Variants in DENND1A observed in about 807,000 individuals in gnomAD.
The protein encoded by DENND1A is DENN domain-containing protein 1A.
Under a neutral mutation model 113.7 loss-of-function variants are expected in DENND1A, and 51 were observed. The ratio of observed to expected loss-of-function variants is 0.45; its 90% confidence interval spans 0.36 to 0.57. The LOEUF (loss-of-function observed/expected upper bound fraction) is 0.57. DENND1A is among the 20% of genes least tolerant of loss of function. DENND1A has a pLI of 0.00. For missense variants in DENND1A, 1,258 were observed against 1,395.9 expected, an observed-to-expected ratio of 0.90 and a Z score of 1.57; for synonymous variants, 565 against 570.8, an observed-to-expected ratio of 0.99 and a Z score of 0.14.
chr9:123,839,341 C>A (rs1339172555), intron 2 of DENND1A, among the ~76,000 whole-genome samples: 5 of 152,212 alleles, frequency 3.3e-5, no homozygotes, highest in African/African-American at 7.2e-5. Context: ...TCTATCCCTG[C>A]CCTTCCTGAG....
intron 19 of DENND1A, among the ~76,000 whole-genome samples, chr9:123,435,003 AGG>A (rs1211957471): frequency 4.6e-5 from 7 of 152,094 alleles, no homozygotes; most frequent in African/African-American, 1.7e-4. Flanking sequence ...GTGGAAGGAG[AGG>A]ATCTGGGGAG....
intron 5 of DENND1A, among the ~76,000 whole-genome samples, chr9:123,691,905 A>G (rs1359252884): frequency 6.6e-6 from 1 of 152,194 alleles, no homozygotes; most frequent in East Asian, 1.9e-4. Flanking sequence ...CTCTGGGAGA[A>G]GAGAGCTAAC....
chr9:123,833,663 T>C (rs1265739757), intron 2 of DENND1A, among the ~76,000 whole-genome samples: 1 of 152,246 alleles, frequency 6.6e-6, no homozygotes, highest in Non-Finnish European at 1.5e-5. Context: ...AAATAGCCTA[T>C]ATATTTTTCT....
intron 2 of DENND1A, among the ~76,000 whole-genome samples, chr9:123,858,002 T>C (rs922200606): frequency 7.0e-6 from 1 of 143,192 alleles, no homozygotes; most frequent in Admixed American, 7.5e-5. Context: ...GAGCTTGCAG[T>C]GAGCAGAGAT....
At chr9:123,395,493 T>TGTGTGTGTGTGTGTGTGTGTGTGA (rs2043075187) in intron 21 of DENND1A, among the ~76,000 whole-genome samples, 1 of 146,094 alleles carries the variant, frequency 6.8e-6, no homozygotes, top group African/African-American at 2.5e-5. Flanking sequence ...TGTGTGTGTG[T>TGTGTGTGTGTGTGTGTGTGTGTGA]GACAGAGAGA....
intron 10 of DENND1A, among the ~76,000 whole-genome samples, chr9:123,614,405 G>A (rs551569340): frequency 6.6e-6 from 1 of 152,204 alleles, no homozygotes; most frequent in African/African-American, 2.4e-5. Flanking sequence ...CAGCAAGGAA[G>A]AAGCAAGAAT....
intron 11 of DENND1A, among the ~76,000 whole-genome samples, chr9:123,607,760 C>G (rs1481094075): frequency 2.0e-5 from 3 of 150,820 alleles, no homozygotes; most frequent in Non-Finnish European, 4.4e-5. Flanking sequence ...AACAAGGTGA[C>G]TAGAGGGCAC....
intron 2 of DENND1A, among the ~76,000 whole-genome samples, chr9:123,821,435 G>A (rs1838446470): frequency 6.6e-6 from 1 of 152,162 alleles, no homozygotes; most frequent in Non-Finnish European, 1.5e-5. Flanking sequence ...GAATACGACA[G>A]CATCTAGCTT....
chr9:123,776,140 C>T (rs1830436669), intron 3 of DENND1A, among the ~76,000 whole-genome samples: 1 of 152,116 alleles, frequency 6.6e-6, no homozygotes, highest in African/African-American at 2.4e-5. Flanking sequence ...AGCAAACACC[C>T]GTCGGTGGCA....
chr9:123,665,112 G>T (rs1202105647), intron 8 of DENND1A, among the ~76,000 whole-genome samples: 1 of 152,098 alleles, frequency 6.6e-6, no homozygotes, highest in African/African-American at 2.4e-5. Flanking sequence ...TCTGAGAGAT[G>T]AAAGGTAAAA....
Position 123,409,392 on chromosome 9 carries a change from G to A in DENND1A, c.1542+2384C>T, listed in dbSNP as rs2044132492. On this transcript the variant is annotated intron_variant, in intron 20 of 23. Transcript: ENST00000394215. The stretch of plus-strand genomic sequence containing the variant: ...TCCAAGACTTTTTGAGCCCCAACAT[G>A]ATGCTAAAGGAAATGCTCACTGGAG... Among the ~76,000 whole-genome samples, 3 of 151,812 alleles carry A rather than the reference G, an allele frequency of 2.0e-5. No homozygotes were observed. In the South Asian group the frequency reaches 6.3e-4, roughly 32 times the overall value.
intron 1 of DENND1A, among the ~76,000 whole-genome samples, chr9:123,914,781 A>T (rs1854782204): frequency 6.6e-6 from 1 of 151,922 alleles, no homozygotes; most frequent in Non-Finnish European, 1.5e-5. Flanking sequence ...ATGAACTACT[A>T]GAGCAAGAAC....
At position 123,381,114 on chromosome 9, in the gene DENND1A, G is replaced by C. The variant is rs938606450; in HGVS notation, c.*318C>G. The C allele has an allele frequency of 1.2e-5, 4 of 333,972 alleles. No individual in the cohort carries two copies. Among genetic ancestry groups the C allele is most frequent in the Middle Eastern group, 9.1e-4 (1 of 1,104 alleles). 20.7% of individuals were successfully genotyped at this position (333,972 alleles called of 1,614,324 possible). ...GACACTTCCGGGGGAAGGTGGGTAGGACTCGGTCTGGAGCAATATCATTGG... is the reference window on the plus strand; with the variant it reads ...GACACTTCCGGGGGAAGGTGGGTAGCACTCGGTCTGGAGCAATATCATTGG... On this transcript the variant is annotated 3_prime_UTR_variant, in exon 24 of 24. Transcript: ENST00000394215. This position sits in a 1 kb window ranked among gnomAD's most constrained non-coding sequence, Gnocchi z 4.7.
chr9:123,537,873 A>G (rs962798383), intron 13 of DENND1A, among the ~76,000 whole-genome samples: 3 of 152,270 alleles, frequency 2.0e-5, no homozygotes, highest in Non-Finnish European at 2.9e-5. Context: ...AACAACGGAC[A>G]GAATATTGTT....
intron 4 of DENND1A, among the ~76,000 whole-genome samples, chr9:123,761,239 T>C (rs1427671848): frequency 6.6e-6 from 1 of 152,220 alleles, no homozygotes; most frequent in East Asian, 1.9e-4. Context: ...ATTTAGCAAG[T>C]TACTTAAAAC....
chr9:123,599,972 C>A (rs774961605), intron 11 of DENND1A, among the ~76,000 whole-genome samples: 4 of 152,066 alleles, frequency 2.6e-5, no homozygotes, highest in Non-Finnish European at 4.4e-5. Flanking sequence ...CCACATGCGC[C>A]CAGATTTCAA....
chr9:123,695,209 CAT>C (rs148320024), intron 5 of DENND1A, among the ~76,000 whole-genome samples: 8 of 148,994 alleles, frequency 5.4e-5, no homozygotes, highest in South Asian at 2.1e-4. Flanking sequence ...AATAACTCTC[CAT>C]ATATATATAT....
At chr9:123,400,322 T>C (rs1054132642) in intron 21 of DENND1A, 1 of 152,232 alleles carries the variant, frequency 6.6e-6, no homozygotes, top group African/African-American at 2.4e-5. Context: ...GGACTCCCTT[T>C]TAAGGCCTCC....
intron 12 of DENND1A, among the ~76,000 whole-genome samples, chr9:123,575,987 C>T (rs1449530157): frequency 2.6e-5 from 4 of 152,154 alleles, no homozygotes; most frequent in African/African-American, 9.7e-5. Context: ...TTGAATAAAT[C>T]TATCATCTTG....
Sources: allele counts gnomAD v4.1 joint callset (sites outside exome capture counted in the v4.1 genomes callset), GRCh38; gene constraint gnomAD v4.1.1; non-coding constraint Gnocchi (gnomAD v3.1); transcripts MANE v1.5; gene names NCBI Gene and HGNC (gene_info 2026-07-23, HGNC 2026-07-21).